EFCAB6: variants seen among roughly 807,000 people sequenced by gnomAD.
EFCAB6 encodes EF-hand calcium binding domain 6, also known as EF-hand calcium-binding domain-containing protein 6.
Under a neutral mutation model 169.8 loss-of-function variants are expected in EFCAB6, and 156 were observed. The observed-to-expected ratio is 0.92, with a 90% confidence interval of 0.81 to 1.05. EFCAB6 has a LOEUF of 1.05. Among genes scored for constraint, EFCAB6 ranks in the 50% least tolerant of loss-of-function variants. The pLI is 0.00. For missense variants in EFCAB6, 1,800 were observed against 1,829.1 expected (o/e 0.98, Z 0.29); for synonymous variants, 698 against 676.4 (o/e 1.03, Z -0.50).
intron 5 of EFCAB6, among the ~76,000 whole-genome samples, chr22:43,757,869 C>T (rs1165983316): frequency 6.6e-6 from 1 of 152,248 alleles, no homozygotes; most frequent in African/African-American, 2.4e-5. Context: ...TTGTCAGATA[C>T]TAACTTAGTG....
chr22:43,806,297 T>C (rs1156471073), intron 2 of EFCAB6, among the ~76,000 whole-genome samples: 7 of 151,636 alleles, frequency 4.6e-5, no homozygotes, highest in Non-Finnish European at 8.8e-5. Context: ...GGTCTCACGC[T>C]GGAATGCAGT....
chr22:43,737,790 C>T (rs1278624289), intron 6 of EFCAB6, among the ~76,000 whole-genome samples: 2 of 151,356 alleles, frequency 1.3e-5, no homozygotes, highest in Non-Finnish European at 3.0e-5. Flanking sequence ...TATTCATACA[C>T]ACACACACCT....
intron 6 of EFCAB6, among the ~76,000 whole-genome samples, chr22:43,749,163 G>A (rs2060668022): frequency 6.6e-6 from 1 of 152,130 alleles, no homozygotes; most frequent in Non-Finnish European, 1.5e-5. Flanking sequence ...TGGTAAGGGA[G>A]AGGTAATCAA....
chr22:43,810,063 T>TGG (rs142279202), intron 1 of EFCAB6, among the ~76,000 whole-genome samples: 1 of 151,116 alleles, frequency 6.6e-6, no homozygotes, highest in African/African-American at 2.4e-5. Context: ...ACCATAGATA[T>TGG]GGGGGGGGTC....
rs116709929 is a variant in EFCAB6 at position 43,538,683 on chromosome 22, G to A, written c.3880-1138C>T. Among the ~76,000 whole-genome samples the A allele has an allele frequency of 1.9e-3, 294 of 152,236 alleles. 1 individual carries two copies. The highest frequency in any genetic ancestry group is 6.5e-3 in the African/African-American group (268 of 41,548). On this transcript the variant is annotated intron_variant, in intron 28 of 31. Transcript: ENST00000262726. ...AGTACAGGTGTGAGCCACTGCACCC[G>A]GCTCCAGAGTGGTCTTTAAAGAGTC...
Position 43,561,670 on chromosome 22 carries a change from C to T in EFCAB6, c.3421-6574G>A, listed in dbSNP as rs563511488. ...TCACTTTTTAGCAAAGCTGCTCAGC[C>T]GCCGCCAGCCTCGCTCGAGTGACTG... On this transcript the variant is annotated intron_variant, in intron 26 of 31. Coordinates refer to ENST00000262726, the MANE Select transcript of EFCAB6 (RefSeq NM_022785.4). Among the ~76,000 whole-genome samples the T allele has an allele frequency of 3.3e-5, 5 of 152,286 alleles. No individual in the cohort carries two copies. In the South Asian group the frequency reaches 8.3e-4, roughly 25 times the overall value.
At chr22:43,606,191 T>C (rs1406749007) in intron 22 of EFCAB6, among the ~76,000 whole-genome samples, 2 of 152,188 alleles carry the variant, frequency 1.3e-5, no homozygotes, top group Non-Finnish European at 2.9e-5. Context: ...CATAAATTAA[T>C]CTTGTATGTG....
chr22:43,754,355 C>T (rs1298603957), intron 6 of EFCAB6, among the ~76,000 whole-genome samples: 1 of 152,196 alleles, frequency 6.6e-6, no homozygotes, highest in Non-Finnish European at 1.5e-5. Context: ...GATGGAAACC[C>T]AGGTCTGCCC....
In EFCAB6 at chr22:43,537,324, T is replaced by C. The variant is rs984928045; in HGVS notation, c.4048+53A>G. On this transcript the variant is annotated intron_variant, in intron 29 of 31. Transcript: ENST00000262726. The surrounding 1 kb of genome is among the most constrained non-coding windows in gnomAD (Gnocchi z 4.3). The stretch of plus-strand genomic sequence containing the variant: ...GGCTTTGTACCCAGTGGGAACAGCC[T>C]CTTGCCACAGGGGCTGACCACATAT... The C allele has an allele frequency of 6.3e-6, 10 of 1,590,998 alleles. No individual in the cohort carries two copies. The highest frequency in any genetic ancestry group is 5.1e-5 in the Admixed American group (3 of 58,508).
Position 43,632,094 on chromosome 22 carries a change from T to C in EFCAB6, c.2232+11A>G, listed in dbSNP as rs557021521. On this transcript the variant is annotated intron_variant, in intron 19 of 31. Transcript: ENST00000262726. The stretch of plus-strand genomic sequence containing the variant: ...CCTAGAGAAGCCCAGCGCCAGACAG[T>C]CACGGTTTACCCGGAATGACTCCTT... 58 of 1,613,084 alleles carry C rather than the reference T, an allele frequency of 3.6e-5. No homozygotes were observed. The highest frequency in any genetic ancestry group is 4.8e-5 in the Non-Finnish European group (57 of 1,179,446).
At chr22:43,584,694 A>AAAACC (rs2050945460) in intron 24 of EFCAB6, among the ~76,000 whole-genome samples, 1 of 152,194 alleles carries the variant, frequency 6.6e-6, no homozygotes, top group Admixed American at 6.5e-5. Flanking sequence ...AAGTGGAAAA[A>AAAACC]AAACCCAATA....
At chr22:43,712,317 A>ATC (rs1184393998) in intron 9 of EFCAB6, among the ~76,000 whole-genome samples, 2 of 122,892 alleles carry the variant, frequency 1.6e-5, no homozygotes, top group African/African-American at 6.1e-5. Flanking sequence ...ATCTTCAACC[A>ATC]TCCCACTTTG....
intron 6 of EFCAB6, among the ~76,000 whole-genome samples, chr22:43,738,353 C>G (rs1195048720): frequency 6.8e-6 from 1 of 147,690 alleles, no homozygotes; most frequent in Non-Finnish European, 1.5e-5. Context: ...TATACTCATT[C>G]ACACCATCAA....
intron 2 of EFCAB6, among the ~76,000 whole-genome samples, chr22:43,791,727 G>C (rs939342973): frequency 1.3e-5 from 2 of 152,022 alleles, no homozygotes; most frequent in African/African-American, 4.8e-5. Context: ...CTGTCTAAGT[G>C]AGTTCCTGAA....
In EFCAB6 at chr22:43,687,487, G is replaced by C; in HGVS notation, c.1126C>G (p.Leu376Val). 6.8e-7 allele frequency: 1 copy of C among 1,463,530 alleles called. No individual in the cohort carries two copies. The highest frequency in any genetic ancestry group is 1.4e-5 in the South Asian group (1 of 69,852). The allele number at this position is 1,463,530 out of a possible 1,614,324, so 90.7% of individuals were successfully genotyped here. A position where few individuals can be genotyped will look rare whatever the true frequency, so the allele number is the denominator to read the frequency against. ...QGLQVSSKGP[L>V]TKRNSINSRN... ...TTTACATACCTATTTCTTTTTGTCA[G>C]GGGACCTTTACTGCTAACTTGCAAC... The change falls in exon 11 of 32, where the codon CTG (leucine) becomes GTG (valine). Residue 376 changes from leucine to valine, a missense_variant. Leu to Val is a conservative substitution (Grantham distance 32, BLOSUM62 1). Transcript: ENST00000262726.
chr22:43,636,079 C>A (rs187391854), intron 17 of EFCAB6, among the ~76,000 whole-genome samples: 27 of 152,304 alleles, frequency 1.8e-4, no homozygotes, highest in African/African-American at 6.5e-4. Flanking sequence ...AACACAGAAT[C>A]ACAGTTCTAA....
At position 43,540,247 on chromosome 22, in the gene EFCAB6, AC is replaced by A; in HGVS notation, c.3758del (p.Gly1253ValfsTer30). The A allele has an allele frequency of 6.2e-7, 1 of 1,614,212 alleles. No homozygotes were observed. The highest frequency in any genetic ancestry group is 2.2e-5 in the East Asian group (1 of 44,886). ...SETAATPMAT[G>X]DSAVAQRGSS... ...TCCCTCTCTGGGCCACGGCCGAGTC[AC>A]CAGTGGCCATTGGTGTGGCTGCTGT... On this transcript the variant is annotated frameshift_variant, in exon 28 of 32. Coordinates refer to ENST00000262726, the MANE Select transcript of EFCAB6 (RefSeq NM_022785.4). LOFTEE classifies it high-confidence loss of function.
At chr22:43,566,116 C>A (rs916474538) in intron 26 of EFCAB6, among the ~76,000 whole-genome samples, 1 of 152,176 alleles carries the variant, frequency 6.6e-6, no homozygotes, top group African/African-American at 2.4e-5. Flanking sequence ...AAGAAACGGA[C>A]GCTGGCCTCC....
chr22:43,711,634 T>C lies in EFCAB6; in HGVS notation c.883-11A>G. 6.3e-7 allele frequency: 1 copy of C among 1,576,440 alleles called. No homozygotes were observed. The highest frequency in any genetic ancestry group is 8.5e-7 in the Non-Finnish European group (1 of 1,170,684). On this transcript the variant is annotated splice_polypyrimidine_tract_variant and intron_variant, in intron 9 of 31. Coordinates refer to ENST00000262726, the MANE Select transcript of EFCAB6 (RefSeq NM_022785.4). ...ATAAGACTTCGAAAGCTGCAATAAA[T>C]TGAAATTAGAGTGTGGCGTTCATAA...
Sources: allele counts gnomAD v4.1 joint callset (sites outside exome capture counted in the v4.1 genomes callset), GRCh38; gene constraint gnomAD v4.1.1; non-coding constraint Gnocchi (gnomAD v3.1); transcripts MANE v1.5; gene names NCBI Gene and HGNC (gene_info 2026-07-23, HGNC 2026-07-21).